RUNDC3B: variants seen among roughly 807,000 people sequenced by gnomAD.
RUNDC3B encodes the protein RUN domain-containing protein 3B.
RUNDC3B carries 33 observed loss-of-function variants against 58.4 expected under a neutral mutation model. The observed-to-expected ratio is 0.56, with a 90% CI of 0.43 to 0.75. The LOEUF (loss-of-function observed/expected upper bound fraction) is 0.75. Ranked by LOEUF, RUNDC3B falls within the 30% of genes least tolerant of loss-of-function variation. The probability of loss-of-function intolerance (pLI) is 0.00; values close to 1 mark genes in which losing one functional copy is unlikely to be tolerated. For synonymous variants in RUNDC3B, 193 were observed against 195.2 expected (o/e 0.99, Z 0.10); for missense variants, 501 against 535.7 (o/e 0.94, Z 0.64).
chr7:87,668,129 T>C (rs1463983508), intron 2 of RUNDC3B, among the ~76,000 whole-genome samples: 3 of 151,920 alleles, frequency 2.0e-5, no homozygotes, highest in African/African-American at 4.8e-5. Flanking sequence ...CTTTTTTTTT[T>C]TTGGTAGGCT....
intron 4 of RUNDC3B, among the ~76,000 whole-genome samples, chr7:87,717,598 C>A (rs909931709): frequency 6.6e-6 from 1 of 151,836 alleles, no homozygotes; most frequent in South Asian, 2.1e-4. Flanking sequence ...ATGATAATTT[C>A]CTACAGAAAT....
intron 8 of RUNDC3B, among the ~76,000 whole-genome samples, chr7:87,779,231 A>G (rs1834807528): frequency 6.6e-6 from 1 of 152,062 alleles, no homozygotes; most frequent in Non-Finnish European, 1.5e-5. Flanking sequence ...CCTTACTACA[A>G]ATTTTGTTTC....
At chr7:87,805,313 C>T (rs1375117858) in intron 8 of RUNDC3B, among the ~76,000 whole-genome samples, 1 of 152,136 alleles carries the variant, frequency 6.6e-6, no homozygotes, top group Admixed American at 6.6e-5. Context: ...AAAGAAAAGG[C>T]CTTACACAAG....
At chr7:87,639,236 C>T (rs998647368) in intron 1 of RUNDC3B, among the ~76,000 whole-genome samples, 5 of 149,324 alleles carry the variant, frequency 3.3e-5, no homozygotes, top group African/African-American at 9.8e-5. Flanking sequence ...TTGTTGATTT[C>T]GAATGAATTC....
intron 2 of RUNDC3B, among the ~76,000 whole-genome samples, chr7:87,675,050 G>T (rs527933529): frequency 2.6e-4 from 40 of 152,332 alleles, no homozygotes; most frequent in African/African-American, 9.6e-4. Flanking sequence ...TTGGGGAAAT[G>T]ATCTCCTGCT....
At chr7:87,811,365 C>T (rs1563224947) in intron 9 of RUNDC3B, among the ~76,000 whole-genome samples, 6 of 150,068 alleles carry the variant, frequency 4.0e-5, no homozygotes, top group South Asian at 4.2e-4. Flanking sequence ...AATGGAGTCT[C>T]ACTCTGTCGC....
intron 4 of RUNDC3B, among the ~76,000 whole-genome samples, chr7:87,719,698 G>A (rs530543434): frequency 6.6e-6 from 1 of 151,820 alleles, no homozygotes; most frequent in Admixed American, 6.6e-5. Flanking sequence ...TTATGATAAA[G>A]GTAGAATCTT....
chr7:87,761,382 G>A (rs1348672741), intron 6 of RUNDC3B, among the ~76,000 whole-genome samples: 1 of 151,900 alleles, frequency 6.6e-6, no homozygotes, highest in African/African-American at 2.4e-5. Flanking sequence ...AATGTAAAAT[G>A]ATGCAGTTGC....
intron 7 of RUNDC3B, among the ~76,000 whole-genome samples, chr7:87,775,052 G>A (rs905888749): frequency 6.6e-6 from 1 of 152,138 alleles, no homozygotes; most frequent in Non-Finnish European, 1.5e-5. Context: ...ATTTTTAAAT[G>A]TACTCCTTCT....
chr7:87,803,355 C>T (rs955465427), intron 8 of RUNDC3B, among the ~76,000 whole-genome samples: 6 of 152,288 alleles, frequency 3.9e-5, no homozygotes, highest in African/African-American at 1.4e-4. Flanking sequence ...TTTGAATTTA[C>T]ATATATCCAT....
chr7:87,823,541 C>G (rs925959366), intron 10 of RUNDC3B, among the ~76,000 whole-genome samples: 1 of 151,804 alleles, frequency 6.6e-6, no homozygotes, highest in Non-Finnish European at 1.5e-5. Flanking sequence ...ACACTGCACC[C>G]AACTGTAGTC....
At chr7:87,706,240 TAA>T (rs1241041630) in intron 3 of RUNDC3B, among the ~76,000 whole-genome samples, 1 of 152,168 alleles carries the variant, frequency 6.6e-6, no homozygotes, top group Non-Finnish European at 1.5e-5. Flanking sequence ...TGGCCATGAT[TAA>T]AAGTCAGATA....
chr7:87,760,114 C>A (rs1250361678), intron 6 of RUNDC3B, among the ~76,000 whole-genome samples: 1 of 149,708 alleles, frequency 6.7e-6, no homozygotes, highest in Non-Finnish European at 1.5e-5. Flanking sequence ...TTCACACTTA[C>A]TGATTCATAA....
At chr7:87,774,874 G>A (rs1157042705) in intron 7 of RUNDC3B, among the ~76,000 whole-genome samples, 7 of 152,156 alleles carry the variant, frequency 4.6e-5, no homozygotes, top group Non-Finnish European at 1.0e-4. Flanking sequence ...TTGTAACACA[G>A]TGCATTACTC....
intron 1 of RUNDC3B, among the ~76,000 whole-genome samples, chr7:87,649,338 C>T (rs1483090518): frequency 1.3e-5 from 2 of 152,100 alleles, no homozygotes; most frequent in South Asian, 2.1e-4. Flanking sequence ...CTGGGTACAA[C>T]GTTCAAAGCA....
At chr7:87,784,010 A>G (rs998483908) in intron 8 of RUNDC3B, among the ~76,000 whole-genome samples, 1 of 151,896 alleles carries the variant, frequency 6.6e-6, no homozygotes, top group African/African-American at 2.4e-5. Flanking sequence ...TATCTCATAG[A>G]GGTTCTCTGA....
chr7:87,762,300 T>C (rs73706916), intron 6 of RUNDC3B, among the ~76,000 whole-genome samples: 21,850 of 151,440 alleles, frequency 0.14, 2,510 homozygotes, highest in African/African-American at 0.32. Flanking sequence ...ATCTCCTTGT[T>C]TTTCTGGAAT....
At chr7:87,822,907 A>AG (rs1837566193) in intron 10 of RUNDC3B, among the ~76,000 whole-genome samples, 1 of 152,218 alleles carries the variant, frequency 6.6e-6, no homozygotes, top group Admixed American at 6.5e-5. Context: ...GGTAGTGGGG[A>AG]GGGATAGCAT....
In RUNDC3B at chr7:87,759,644, A is replaced by T. The variant is rs1224329735; in HGVS notation, c.630-10937A>T. On this transcript the variant is annotated intron_variant, in intron 6 of 10. Transcript: ENST00000394654. ...AGACTCTGTGACTACAAAAAAAATT[A>T]AAAATTAGCCAGATGTAGTGGTGTT... Among the ~76,000 whole-genome samples, 6 of 152,086 alleles carry T rather than the reference A, an allele frequency of 3.9e-5. No individual in the cohort carries two copies. The South Asian group carries it at 6.2e-4, about 16-fold the overall frequency.
Sources: allele counts gnomAD v4.1 joint callset (sites outside exome capture counted in the v4.1 genomes callset), GRCh38; gene constraint gnomAD v4.1.1; transcripts MANE v1.5; gene names NCBI Gene and HGNC (gene_info 2026-07-23, HGNC 2026-07-21).